The following NOTCH4 variants were observed in gnomAD, a reference collection of about 807,000 sequenced individuals.
NOTCH4 encodes notch receptor 4.
NOTCH4 carries 138 observed loss-of-function variants against 189.0 expected under a neutral mutation model. The ratio of observed to expected loss-of-function variants is 0.73; its 90% confidence interval spans 0.64 to 0.84. The LOEUF (loss-of-function observed/expected upper bound fraction) is 0.84. Ranked by LOEUF, NOTCH4 falls within the 40% of genes least tolerant of loss-of-function variation. The probability of loss-of-function intolerance (pLI) is 0.00; values close to 1 mark genes in which losing one functional copy is unlikely to be tolerated. For synonymous variants in NOTCH4, 942 were observed against 1,032.8 expected, an observed-to-expected ratio of 0.91 and a Z score of 1.69; for missense variants, 2,286 against 2,605.4, an observed-to-expected ratio of 0.88 and a Z score of 2.67.
intron 18 of NOTCH4, among the ~76,000 whole-genome samples, chr6:32,208,003 CAAAA>C (rs9279505): frequency 0.25 from 32,046 of 129,644 alleles, 3,805 homozygotes; most frequent in Middle Eastern, 0.4. Context: ...GACTCCTTCT[CAAAA>C]AAAAAAAAAA....
At chr6:32,213,357 G>T in intron 14 of NOTCH4, 105 bp from the exon 15 acceptor site, 2 of 709,266 alleles carry the variant, frequency 2.8e-6, no homozygotes, top group South Asian at 3.7e-5. Flanking sequence ...CCATCAAAAC[G>T]ACAGCTCACT....
chr6:32,197,117 C>T (rs1430660285), intron 27 of NOTCH4, 45 bp from the exon 28 acceptor site: 2 of 1,601,920 alleles, frequency 1.2e-6, no homozygotes, highest in Admixed American at 3.3e-5. Flanking sequence ...CCTTGGACTG[C>T]CAACTCGAGT....
At position 32,201,948 on chromosome 6, in the gene NOTCH4, G is replaced by T; in HGVS notation, c.3755+128C>A. ...GAGTCTTCGACCCCTGTTTAGTGATGGTTATTAGGGTGGAAACTCCCTGGA... is the reference window on the plus strand; with the variant it reads ...GAGTCTTCGACCCCTGTTTAGTGATTGTTATTAGGGTGGAAACTCCCTGGA... On this transcript the variant is annotated intron_variant, in intron 21 of 29. Transcript: ENST00000375023. The surrounding 1 kb of genome is among the most constrained non-coding windows in gnomAD (Gnocchi z 5.5). The T allele has an allele frequency of 1.2e-6, 1 of 861,332 alleles. No homozygotes were observed. Among genetic ancestry groups the T allele is most frequent in the Non-Finnish European group, 1.6e-6 (1 of 621,878 alleles). The allele number at this position is 861,332 out of a possible 1,614,324, so 53.4% of individuals were successfully genotyped here. A position where few individuals can be genotyped will look rare whatever the true frequency, so the allele number is the denominator to read the frequency against.
In NOTCH4 at chr6:32,217,902, A is replaced by G. The variant is rs1226573222; in HGVS notation, c.1624+93T>C. The G allele has an allele frequency of 2.5e-6, 2 of 786,636 alleles. No individual in the cohort carries two copies. Among genetic ancestry groups the G allele is most frequent in the Non-Finnish European group, 4.4e-6 (2 of 456,908 alleles). The allele number at this position is 786,636 out of a possible 1,614,324, so 48.7% of individuals were successfully genotyped here. ...AGGACTCCTTGGCTTGGCTAGAGAG[A>G]GCTTCAAGTGGCCTTGGGTGATTGC... On this transcript the variant is annotated intron_variant, in intron 9 of 29. Transcript: ENST00000375023. This position sits in a 1 kb window ranked among gnomAD's most constrained non-coding sequence, Gnocchi z 4.2.
chr6:32,221,074 C>T lies in NOTCH4; in HGVS notation c.703G>A (p.Ala235Thr), dbSNP rs769884114. The T allele has an allele frequency of 6.2e-7, 1 of 1,613,186 alleles. No homozygotes were observed. Among genetic ancestry groups the T allele is most frequent in the Non-Finnish European group, 8.5e-7 (1 of 1,179,952 alleles). ...CAGCCCCTAGGAGGGCAGGGTCCTG[C>T]CCGCAGCTCACAACGTGGACCCTCC... is the stretch of plus-strand genomic sequence containing the variant. ...GQEGPRCELR[A>T]GPCPPRGCSN... Residue 235 changes from alanine (A) to threonine (T), a missense_variant, in exon 4 of 30, where the codon GCA becomes ACA. Physicochemically the swap from Ala to Thr is moderately conservative, Grantham distance 58. Transcript: ENST00000375023. The surrounding 1 kb of genome is among the most constrained non-coding windows in gnomAD (Gnocchi z 4.3).
rs1787986309 is a variant in NOTCH4, at chr6:32,197,033, T to G, written c.5092A>C (p.Thr1698Pro). ...RSRQTAVDAR[T>P]EDGTTPLMLA... ...ATCAAGGGTGTGGTCCCGTCCTCTG[T>G]GCGAGCGTCCACTGCAGTTTGTCTG... Residue 1698 changes from threonine (T) to proline (P), a missense_variant, in exon 28 of 30, where the codon ACA (threonine) becomes CCA (proline). Coordinates refer to ENST00000375023, the MANE Select transcript of NOTCH4 (RefSeq NM_004557.4). 1 of 1,612,900 alleles carries G rather than the reference T, an allele frequency of 6.2e-7. No homozygotes were observed. The highest frequency in any genetic ancestry group is 8.5e-7 in the Non-Finnish European group (1 of 1,180,008).
chr6:32,220,691 G>C lies in NOTCH4; in HGVS notation c.923-50C>G, dbSNP rs923483732. On this transcript the variant is annotated intron_variant, in intron 5 of 29. Coordinates refer to ENST00000375023, the MANE Select transcript of NOTCH4 (RefSeq NM_004557.4). ...AGGGCTAAGGCTGGGAGCCCTATGA[G>C]TAGGGGAGGCCAGGGGCCAACTCTC... is the stretch of plus-strand genomic sequence containing the variant. 4 of 1,612,436 alleles carry C rather than the reference G, an allele frequency of 2.5e-6. No homozygotes were observed. The South Asian group carries it at 4.4e-5, about 18-fold the overall frequency.
At chr6:32,213,513 A>G (rs1402265077) in intron 14 of NOTCH4, among the ~76,000 whole-genome samples, 175 bp downstream of exon 14, 5 of 152,158 alleles carry the variant, frequency 3.3e-5, no homozygotes, top group Non-Finnish European at 5.9e-5. Flanking sequence ...CCTCCCAAGT[A>G]TTTGAGACTA....
intron 12 of NOTCH4, 147 bp downstream of exon 12, chr6:32,215,079 A>G (rs1789313392): frequency 1.4e-6 from 1 of 708,870 alleles, no homozygotes; most frequent in Non-Finnish European, 2.2e-6. Context: ...GAGCCCTCCC[A>G]CTGCCTTGCC....
At chr6:32,204,961 A>C (rs1788582346) in intron 18 of NOTCH4, among the ~76,000 whole-genome samples, 1 of 152,170 alleles carries the variant, frequency 6.6e-6, no homozygotes, top group African/African-American at 2.4e-5. Context: ...GACTTGTGCA[A>C]GTCAAATAGC....
chr6:32,213,860 G>T lies in NOTCH4; in HGVS notation c.2168-20C>A, dbSNP rs1216829867. The T allele has an allele frequency of 3.1e-6, 5 of 1,610,490 alleles. No homozygotes were observed. The South Asian group carries it at 4.4e-5, about 14-fold the overall frequency. ...TGGGTCCTGAAGGAAACAGGTGGGG[G>T]CTGAGAAAGGGTGTCCTCCTTCCCT... On this transcript the variant is annotated intron_variant, in intron 13 of 29. Coordinates refer to ENST00000375023, the MANE Select transcript of NOTCH4 (RefSeq NM_004557.4).
At chr6:32,216,574 T>G in intron 11 of NOTCH4, 1 of 346,022 alleles carries the variant, frequency 2.9e-6, no homozygotes, top group Non-Finnish European at 5.5e-6. Context: ...CTTGTTGGTC[T>G]CTCTGTATTA....
intron 12 of NOTCH4, among the ~76,000 whole-genome samples, chr6:32,214,739 C>T (rs773208117): frequency 3.3e-5 from 5 of 151,696 alleles, no homozygotes; most frequent in Admixed American, 3.3e-4. Context: ...GTGATCCTTC[C>T]GCTTCAGCCT....
rs1204173174 is a variant in NOTCH4, at chr6:32,223,886, G to A, written c.43C>T (p.Leu15=). 2 of 1,111,218 alleles carry A rather than the reference G, an allele frequency of 1.8e-6. No individual in the cohort carries two copies. Among genetic ancestry groups the A allele is most frequent in the Non-Finnish European group, 2.4e-6 (2 of 828,502 alleles). 68.8% of individuals were successfully genotyped at this position (1,111,218 alleles called of 1,614,324 possible). Residue 15 remains leucine (L), a synonymous_variant, in exon 1 of 30, where the codon CTG becomes TTG. Transcript: ENST00000375023. The part of the protein sequence containing the change: ...SLLLLLLLLL[L]LCVSVVRPRG... ...GGTCTGACCACTGAGACACATAGCAGCAGCAGCAGCAGCAGCAGCAGCAGC... is the reference window on the plus strand; with the variant it reads ...GGTCTGACCACTGAGACACATAGCAACAGCAGCAGCAGCAGCAGCAGCAGC...
In NOTCH4 at chr6:32,200,754, C is replaced by T. The variant is rs1788285078; in HGVS notation, c.4315+77G>A. 1 of 1,242,162 alleles carries T rather than the reference C, an allele frequency of 8.1e-7. No individual in the cohort carries two copies. The highest frequency in any genetic ancestry group is 1.5e-5 in the South Asian group (1 of 65,686). The allele number at this position is 1,242,162 out of a possible 1,614,324, so 76.9% of individuals were successfully genotyped here. A position where few individuals can be genotyped will look rare whatever the true frequency, so the allele number is the denominator to read the frequency against. On this transcript the variant is annotated intron_variant, in intron 23 of 29. Transcript: ENST00000375023. The surrounding 1 kb of genome is among the most constrained non-coding windows in gnomAD (Gnocchi z 5.0). ...TCAGTCTCAGCTGTCCTGTTTGATT[C>T]AGCCTCCATTGCCTGTTGCTAGCAT...
intron 8 of NOTCH4, among the ~76,000 whole-genome samples, chr6:32,219,375 C>T (rs886144308): frequency 2.6e-5 from 4 of 152,084 alleles, no homozygotes; most frequent in Non-Finnish European, 5.9e-5. Flanking sequence ...CAGCTTCCCC[C>T]CAAGTTGAGG....
rs943266947 is a variant in NOTCH4, at chr6:32,202,936, G to A, written c.3232-337C>T. On this transcript the variant is annotated intron_variant, in intron 20 of 29. Coordinates refer to ENST00000375023, the MANE Select transcript of NOTCH4 (RefSeq NM_004557.4). The surrounding 1 kb of genome is among the most constrained non-coding windows in gnomAD (Gnocchi z 5.7). ...ATTATTATTTTTGAGACAGAGTTTC[G>A]CTCTTGTTGTCCAGGCTGGAGTGCA... 3.2e-5 allele frequency: 6 copies of A among 184,836 alleles called. No individual in the cohort carries two copies. Among genetic ancestry groups the A allele is most frequent in the South Asian group, 2.0e-4 (1 of 5,126 alleles). 11.4% of individuals were successfully genotyped at this position (184,836 alleles called of 1,614,324 possible). A position where few individuals can be genotyped will look rare whatever the true frequency, so the allele number is the denominator to read the frequency against.
Position 32,221,208 on chromosome 6 carries a change from G to T in NOTCH4, c.569C>A (p.Ala190Asp), listed in dbSNP as rs566360603. ...GCACTCGTTGACATCACGTTCACAG[G>T]CATGGCCCTCGAAGCCCGGTGGGCA... Reference protein sequence around the residue: ...CHCPPGFEGHACERDVNECFQ... With the variant: ...CHCPPGFEGHDCERDVNECFQ... Residue 190 changes from alanine (A) to aspartate (D), a missense_variant, in exon 4 of 30, where the codon GCC becomes GAC. Coordinates refer to ENST00000375023, the MANE Select transcript of NOTCH4 (RefSeq NM_004557.4). This position sits in a 1 kb window ranked among gnomAD's most constrained non-coding sequence, Gnocchi z 4.3. The T allele has an allele frequency of 1.2e-6, 2 of 1,613,120 alleles. No homozygotes were observed. The highest frequency in any genetic ancestry group is 2.2e-5 in the South Asian group (2 of 91,086).
At position 32,217,100 on chromosome 6, in the gene NOTCH4, C is replaced by A. The variant is rs761148017; in HGVS notation, c.1739-33G>T. ...ACAGCAGGAAGGTCAGGGACCTGCA[C>A]GGATGTCTGCCTCCTGCTCCCGCTG... is the stretch of plus-strand genomic sequence containing the variant. On this transcript the variant is annotated intron_variant, in intron 10 of 29. Transcript: ENST00000375023. The surrounding 1 kb of genome is among the most constrained non-coding windows in gnomAD (Gnocchi z 4.2). 3 of 1,612,892 alleles carry A rather than the reference C, an allele frequency of 1.9e-6. No homozygotes were observed. Among genetic ancestry groups the A allele is most frequent in the African/African-American group, 2.7e-5 (2 of 74,936 alleles).
Sources: gnomAD v4.1 joint callset for allele counts (sites outside exome capture counted in the v4.1 genomes callset) on GRCh38, gnomAD v4.1.1 for gene constraint, Gnocchi (gnomAD v3.1) non-coding constraint, MANE v1.5 for transcripts, NCBI Gene and HGNC (gene_info 2026-07-23, HGNC 2026-07-21) for gene names.